LYPLAL1: variants seen among roughly 807,000 people sequenced by gnomAD.
LYPLAL1 encodes the protein lysophospholipase like 1.
A neutral mutation model predicts 19.7 loss-of-function variants in LYPLAL1; 23 were observed. The ratio of observed to expected loss-of-function variants is 1.17; its 90% CI spans 0.84 to 1.65. LYPLAL1 has a LOEUF of 1.65. Ranked by LOEUF, LYPLAL1 falls within the 40% of genes most tolerant of loss-of-function variation. The pLI, the probability that LYPLAL1 is intolerant of heterozygous loss-of-function variation, is 0.00. For synonymous variants in LYPLAL1, 119 were observed against 96.3 expected (o/e 1.24, Z -1.38); for missense variants, 355 against 279.4 (o/e 1.27, Z -1.93).
chr1:219,347,010 A>ATGTT, the LYPLAL1 span, among the ~76,000 whole-genome samples: 1 of 152,198 alleles, frequency 6.6e-6, no homozygotes, highest in African/African-American at 2.4e-5. Flanking sequence ...TTTTTAAACC[A>ATGTT]CACAAGCACC....
the LYPLAL1 span, among the ~76,000 whole-genome samples, chr1:219,246,647 C>T: frequency 3.3e-5 from 5 of 152,154 alleles, no homozygotes; most frequent in African/African-American, 1.2e-4. Context: ...AGTGCAGTGG[C>T]ACAATTATGG....
At chr1:219,324,486 C>A in the LYPLAL1 span, among the ~76,000 whole-genome samples, 3 of 152,160 alleles carry the variant, frequency 2.0e-5, no homozygotes, top group African/African-American at 7.2e-5. Flanking sequence ...ATCCCTTCCC[C>A]CTCTGCACTC....
chr1:219,316,799 G>A, the LYPLAL1 span, among the ~76,000 whole-genome samples: 2 of 152,136 alleles, frequency 1.3e-5, no homozygotes, highest in Non-Finnish European at 2.9e-5. Flanking sequence ...GTCGCAAAAA[G>A]GCAAATACTT....
the LYPLAL1 span, among the ~76,000 whole-genome samples, chr1:219,327,131 G>A: frequency 3.3e-5 from 5 of 152,076 alleles, no homozygotes; most frequent in African/African-American, 1.2e-4. Context: ...AAAACAGCAG[G>A]AGGCAGAGGA....
the LYPLAL1 span, among the ~76,000 whole-genome samples, chr1:219,306,695 A>G: frequency 6.6e-6 from 1 of 151,462 alleles, no homozygotes; most frequent in South Asian, 2.1e-4. Context: ...TAATTATGTG[A>G]GCCAAATCCT....
chr1:219,426,982 C>T, the LYPLAL1 span, among the ~76,000 whole-genome samples: 1 of 152,222 alleles, frequency 6.6e-6, no homozygotes, highest in Non-Finnish European at 1.5e-5. Context: ...TAGGAAGGAA[C>T]AAAACTGTGA....
At chr1:219,389,104 G>A in the LYPLAL1 span, among the ~76,000 whole-genome samples, 1 of 152,144 alleles carries the variant, frequency 6.6e-6, no homozygotes, top group Non-Finnish European at 1.5e-5. Context: ...TCAAATGAAA[G>A]AATATGATTG....
chr1:219,221,056 C>T, the LYPLAL1 span, among the ~76,000 whole-genome samples: 1 of 152,302 alleles, frequency 6.6e-6, no homozygotes, highest in East Asian at 1.9e-4. Flanking sequence ...ACAACCAGGT[C>T]AACTTTTTGC....
chr1:219,437,654 A>G, the LYPLAL1 span, among the ~76,000 whole-genome samples: 27 of 152,066 alleles, frequency 1.8e-4, no homozygotes, highest in Non-Finnish European at 2.8e-4. Flanking sequence ...CCTTTGGTAC[A>G]ATCTTTTATT....
chr1:219,375,354 T>G, the LYPLAL1 span, among the ~76,000 whole-genome samples: 2 of 151,874 alleles, frequency 1.3e-5, no homozygotes, highest in African/African-American at 4.8e-5. Context: ...CAATCCCAGC[T>G]ACTCAGGAGG....
the LYPLAL1 span, among the ~76,000 whole-genome samples, chr1:219,300,530 CTTTT>C: frequency 1.2e-5 from 1 of 82,004 alleles, no homozygotes. Context: ...TTTATCCTAA[CTTTT>C]TTTTTTTTTT....
At chr1:219,178,826 T>A (rs950178534) in intron 1 of LYPLAL1, among the ~76,000 whole-genome samples, 2 of 152,226 alleles carry the variant, frequency 1.3e-5, no homozygotes, top group East Asian at 3.9e-4. Context: ...AAATAAAATT[T>A]TTTTTAGAAA....
At chr1:219,387,008 T>C in the LYPLAL1 span, among the ~76,000 whole-genome samples, 1 of 152,186 alleles carries the variant, frequency 6.6e-6, no homozygotes, top group African/African-American at 2.4e-5. Context: ...GATCATACCA[T>C]TTCTCTGCTT....
the LYPLAL1 span, among the ~76,000 whole-genome samples, chr1:219,396,433 A>G: frequency 6.6e-6 from 1 of 152,186 alleles, no homozygotes; most frequent in Admixed American, 6.5e-5. Flanking sequence ...TTTTGGTTCC[A>G]TATGAATTTT....
the LYPLAL1 span, among the ~76,000 whole-genome samples, chr1:219,374,664 T>C: frequency 1.3e-5 from 2 of 152,212 alleles, no homozygotes; most frequent in Admixed American, 1.3e-4. Context: ...TTGCATCTCA[T>C]TGTTCCTATA....
At chr1:219,377,755 A>C in the LYPLAL1 span, among the ~76,000 whole-genome samples, 1 of 152,188 alleles carries the variant, frequency 6.6e-6, no homozygotes, top group Non-Finnish European at 1.5e-5. Flanking sequence ...GCAAAGTTAA[A>C]ATTTTAATGA....
At chr1:219,300,961 C>T in the LYPLAL1 span, among the ~76,000 whole-genome samples, 2 of 152,092 alleles carry the variant, frequency 1.3e-5, no homozygotes, top group South Asian at 2.1e-4. Flanking sequence ...GTGGCATGCA[C>T]CTGCAGTCCC....
At chr1:219,228,414 A>G in the LYPLAL1 span, among the ~76,000 whole-genome samples, 1 of 152,242 alleles carries the variant, frequency 6.6e-6, no homozygotes, top group Non-Finnish European at 1.5e-5. Context: ...GAGAAAATCA[A>G]TGCTGGGTAG....
chr1:219,245,210 TTCCTTCCTTCCTTC>T, the LYPLAL1 span, among the ~76,000 whole-genome samples: 1,386 of 149,730 alleles, frequency 9.3e-3, 7 homozygotes, highest in Non-Finnish European at 0.013. Flanking sequence ...CCTTCCTTCC[TTCCTTCCTTCCTTC>T]CTTCCTTCCT....
Sources: gnomAD v4.1 joint callset for allele counts (sites outside exome capture counted in the v4.1 genomes callset) on GRCh38, gnomAD v4.1.1 for gene constraint, MANE v1.5 for transcripts, NCBI Gene and HGNC (gene_info 2026-07-23, HGNC 2026-07-21) for gene names.